The following PITPNC1 variants were observed in gnomAD, a reference collection of about 807,000 sequenced individuals.
PITPNC1 encodes cytoplasmic phosphatidylinositol transfer protein 1.
PITPNC1 carries 18 observed loss-of-function variants against 44.7 expected under a neutral mutation model. That is an observed-to-expected ratio of 0.40 (90% confidence interval 0.28 to 0.60). PITPNC1 has a LOEUF of 0.60. PITPNC1 is among the 20% of genes least tolerant of loss of function. The probability of loss-of-function intolerance (pLI) is 0.39; values close to 1 mark genes in which losing one functional copy is unlikely to be tolerated. For missense variants in PITPNC1, 290 were observed against 418.4 expected (o/e 0.69, Z 2.68); for synonymous variants, 141 against 149.6 (o/e 0.94, Z 0.42).
At chr17:67,396,791 A>G (rs948818289) in intron 1 of PITPNC1, among the ~76,000 whole-genome samples, 2 of 151,872 alleles carry the variant, frequency 1.3e-5, no homozygotes, top group African/African-American at 4.8e-5. Context: ...AATAGCTGGG[A>G]CCACAGGTGT....
chr17:67,395,369 G>A (rs545120633), intron 1 of PITPNC1, among the ~76,000 whole-genome samples: 6 of 151,954 alleles, frequency 3.9e-5, no homozygotes, highest in South Asian at 2.1e-4. Flanking sequence ...GGCTGGTCTC[G>A]AACTCTTAGC....
chr17:67,428,883 C>G (rs1256130823), intron 1 of PITPNC1, among the ~76,000 whole-genome samples: 1 of 145,220 alleles, frequency 6.9e-6, no homozygotes, highest in Admixed American at 7.1e-5. Context: ...CTCTGTCACC[C>G]AGGCTAAAGT....
At chr17:67,471,564 A>G in intron 1 of PITPNC1, 1 of 384,190 alleles carries the variant, frequency 2.6e-6, no homozygotes, top group Non-Finnish European at 5.0e-6. Context: ...TTACTTTTGC[A>G]CCAACCTAAA....
chr17:67,570,139 G>A (rs371417731), intron 4 of PITPNC1, among the ~76,000 whole-genome samples: 3 of 152,152 alleles, frequency 2.0e-5, no homozygotes, highest in African/African-American at 7.2e-5. Flanking sequence ...TGGTTTTGGC[G>A]ATTGGGTTGA....
chr17:67,690,774 G>A (rs1367761320), intron 8 of PITPNC1, among the ~76,000 whole-genome samples: 1 of 152,018 alleles, frequency 6.6e-6, no homozygotes, highest in African/African-American at 2.4e-5. Context: ...AAATGGCAAA[G>A]GATACCAGGG....
At chr17:67,390,311 C>T (rs1293175663) in intron 1 of PITPNC1, among the ~76,000 whole-genome samples, 1 of 152,158 alleles carries the variant, frequency 6.6e-6, no homozygotes, top group African/African-American at 2.4e-5. Context: ...AGGCCAGCTA[C>T]AGGGCTGCAG....
chr17:67,595,942 A>G (rs775650615), intron 5 of PITPNC1, among the ~76,000 whole-genome samples: 3 of 152,228 alleles, frequency 2.0e-5, no homozygotes, highest in African/African-American at 4.8e-5. Context: ...TATGCCGATC[A>G]GATGATAATA....
intron 1 of PITPNC1, among the ~76,000 whole-genome samples, chr17:67,425,309 A>G (rs1288805506): frequency 1.3e-5 from 2 of 150,710 alleles, no homozygotes; most frequent in African/African-American, 4.9e-5. Context: ...AAGAAGAATC[A>G]CCATGGTATG....
At chr17:67,659,572 C>G (rs758440628) in intron 6 of PITPNC1, among the ~76,000 whole-genome samples, 2 of 151,860 alleles carry the variant, frequency 1.3e-5, no homozygotes, top group Non-Finnish European at 2.9e-5. Context: ...TTCTGTTGGT[C>G]AAAACAAATA....
intron 5 of PITPNC1, among the ~76,000 whole-genome samples, chr17:67,598,801 G>A (rs2041493305): frequency 6.6e-6 from 1 of 151,544 alleles, no homozygotes; most frequent in Non-Finnish European, 1.5e-5. Context: ...GCTGAGGCAG[G>A]AGAATTGCTT....
Position 67,676,815 on chromosome 17 carries a change from CTTTTCTTTTTT to C in PITPNC1, c.682+1286_682+1296del, listed in dbSNP as rs1049091803. ...AAGGCATGGTTCTATAAGCTATGGG[CTTTTCTTTTTT>C]TTTTCTTTTTTTCTTACCTCCTTTT... On this transcript the variant is annotated intron_variant, in intron 8 of 8. Transcript: ENST00000581322. This position sits in a 1 kb window ranked among gnomAD's most constrained non-coding sequence, Gnocchi z 4.0. Among the ~76,000 whole-genome samples the C allele has an allele frequency of 3.3e-5, 5 of 151,792 alleles. No individual in the cohort carries two copies. Among genetic ancestry groups the C allele is most frequent in the African/African-American group, 9.7e-5 (4 of 41,238 alleles).
rs139985470 is a variant in PITPNC1, at chr17:67,409,774, A to C, written c.48+31572A>C. The stretch of plus-strand genomic sequence containing the variant: ...GCTGGTCTCAAACTCCTGACCTCAA[A>C]TGATCCACTCACCTTGGCCTCCCAA... On this transcript the variant is annotated intron_variant, in intron 1 of 8. Transcript: ENST00000581322. Among the ~76,000 whole-genome samples, 1,390 of 151,782 alleles carry C rather than the reference A, an allele frequency of 9.2e-3. 8 individuals are homozygous for C. The highest frequency in any genetic ancestry group is 0.024 in the Middle Eastern group (7 of 294).
At chr17:67,503,708 T>A (rs2040065619) in intron 1 of PITPNC1, among the ~76,000 whole-genome samples, 1 of 152,008 alleles carries the variant, frequency 6.6e-6, no homozygotes, top group African/African-American at 2.4e-5. Context: ...GTGGATGATT[T>A]TAGGGAGGTA....
chr17:67,419,171 A>AG (rs1039332373), intron 1 of PITPNC1, among the ~76,000 whole-genome samples: 1 of 113,136 alleles, frequency 8.8e-6, no homozygotes, highest in African/African-American at 3.6e-5. Context: ...GGAGGAAGGG[A>AG]GAAAAAAAAA....
intron 1 of PITPNC1, among the ~76,000 whole-genome samples, chr17:67,515,203 C>T (rs923695003): frequency 6.6e-6 from 1 of 152,206 alleles, no homozygotes; most frequent in Non-Finnish European, 1.5e-5. Context: ...CAAATACCAT[C>T]TGCCCAAGAG....
intron 1 of PITPNC1, among the ~76,000 whole-genome samples, chr17:67,381,660 G>T (rs867972033): frequency 1.3e-5 from 2 of 151,656 alleles, no homozygotes; most frequent in African/African-American, 2.4e-5. Flanking sequence ...TAGAGACGGG[G>T]TTTCACCGTG....
intron 1 of PITPNC1, among the ~76,000 whole-genome samples, chr17:67,494,776 A>C (rs1462358777): frequency 1.3e-5 from 2 of 151,980 alleles, no homozygotes; most frequent in African/African-American, 4.8e-5. Flanking sequence ...GTTCAAGACC[A>C]GCCTGGGCAA....
intron 4 of PITPNC1, among the ~76,000 whole-genome samples, chr17:67,564,582 C>A (rs958669859): frequency 3.9e-5 from 6 of 152,148 alleles, no homozygotes; most frequent in African/African-American, 1.2e-4. Flanking sequence ...CACAGACACA[C>A]CTAAAATAAG....
At chr17:67,418,588 G>A (rs2038619175) in intron 1 of PITPNC1, among the ~76,000 whole-genome samples, 2 of 151,772 alleles carry the variant, frequency 1.3e-5, no homozygotes, top group East Asian at 1.9e-4. Context: ...ATGGAGTTTT[G>A]CTCTGTCACC....
Sources: gnomAD v4.1 joint callset for allele counts (sites outside exome capture counted in the v4.1 genomes callset) on GRCh38, gnomAD v4.1.1 for gene constraint, Gnocchi (gnomAD v3.1) non-coding constraint, MANE v1.5 for transcripts, NCBI Gene and HGNC (gene_info 2026-07-23, HGNC 2026-07-21) for gene names.